POC1B: variants seen among roughly 807,000 people sequenced by gnomAD.
The protein encoded by POC1B is POC1 centriolar protein homolog B.
Under a neutral mutation model 60.6 loss-of-function variants are expected in POC1B, and 44 were observed. That is an observed-to-expected ratio of 0.73 (90% confidence interval 0.57 to 0.93). The LOEUF (loss-of-function observed/expected upper bound fraction) is 0.93. Ranked by LOEUF, POC1B falls within the 40% of genes least tolerant of loss-of-function variation. The pLI is 0.00. For synonymous variants in POC1B, 180 were observed against 198.9 expected (o/e 0.90, Z 0.80); for missense variants, 555 against 572.3 (o/e 0.97, Z 0.31).
At chr12:89,505,665 A>G (rs1422386477) in intron 2 of POC1B, among the ~76,000 whole-genome samples, 1 of 152,242 alleles carries the variant, frequency 6.6e-6, no homozygotes, top group Non-Finnish European at 1.5e-5. Context: ...AGCAGGTCAC[A>G]TTCTAAATAT....
intron 9 of POC1B, among the ~76,000 whole-genome samples, chr12:89,465,932 G>A (rs762149310): frequency 6.6e-6 from 1 of 152,166 alleles, no homozygotes; most frequent in Non-Finnish European, 1.5e-5. Flanking sequence ...CAAGACTAAG[G>A]AAAACAAAAT....
chr12:89,414,619 T>C, the POC1B span, among the ~76,000 whole-genome samples: 68 of 152,292 alleles, frequency 4.5e-4, 1 homozygote, highest in South Asian at 0.012. Context: ...AGGCAAAGAG[T>C]TGTATAAGCC....
At position 89,477,365 on chromosome 12, in the gene POC1B, A is replaced by T. The variant is rs1883162524; in HGVS notation, c.453-5090T>A. 2.0e-5 allele frequency among the ~76,000 whole-genome samples: 3 copies of T among 152,126 alleles called. No individual in the cohort carries two copies. The South Asian group carries it at 6.2e-4, about 31-fold the overall frequency. On this transcript the variant is annotated intron_variant, in intron 4 of 11. Coordinates refer to ENST00000313546, the MANE Select transcript of POC1B (RefSeq NM_172240.3). ...GTAAAAAGATGAAGCATGCCATGAA[A>T]ATTACTTGTTCGGGAATTTACCATC...
chr12:89,524,933 C>T, intron 2 of POC1B, 187 bp downstream of exon 2: 1 of 942,738 alleles, frequency 1.1e-6, no homozygotes. Flanking sequence ...GGGCCGGGGG[C>T]TGGGGGCCGG....
In POC1B at chr12:89,497,319, GA is replaced by G. The variant is rs1565750074; in HGVS notation, c.123del (p.Leu42SerfsTer22). 6.2e-7 allele frequency: 1 copy of G among 1,612,462 alleles called. No homozygotes were observed. The highest frequency in any genetic ancestry group is 2.2e-5 in the East Asian group (1 of 44,884). On this transcript the variant is annotated frameshift_variant, in exon 3 of 12. Transcript: ENST00000313546. LOFTEE classifies it high-confidence loss of function. Reference sequence around the variant, plus strand: ...TGTGGCTTGAAATTCCATAGCATGAGAAAGGTATCCCAAGAAGCAGTAGCTA... The same window carrying G: ...TGTGGCTTGAAATTCCATAGCATGAGAAGGTATCCCAAGAAGCAGTAGCTA... ...KQLATASWDT[F>X]LMLWNFKPHA...
chr12:89,524,335 C>A (rs753832081), intron 2 of POC1B: 3 of 1,613,996 alleles, frequency 1.9e-6, no homozygotes, highest in African/African-American at 1.3e-5. Flanking sequence ...CCCAAGTGCA[C>A]GGGAATCTGC....
chr12:89,509,125 G>A (rs2135756244), intron 2 of POC1B, among the ~76,000 whole-genome samples: 1 of 152,208 alleles, frequency 6.6e-6, no homozygotes, highest in East Asian at 1.9e-4. Context: ...GTAAGTTAAT[G>A]AATATTTTAA....
intron 9 of POC1B, chr12:89,461,878 G>A (rs1882498881): frequency 6.6e-6 from 1 of 152,154 alleles, no homozygotes; most frequent in African/African-American, 2.4e-5. Context: ...ACAGAAATGT[G>A]AGAGTGACTT....
chr12:89,520,248 G>T (rs1282619011), intron 2 of POC1B: 2 of 151,976 alleles, frequency 1.3e-5, no homozygotes, highest in Admixed American at 1.3e-4. Context: ...AAGAATTAAG[G>T]TACTTTATTT....
At chr12:89,504,113 C>T (rs1404261437) in intron 2 of POC1B, among the ~76,000 whole-genome samples, 29 of 137,798 alleles carry the variant, frequency 2.1e-4, no homozygotes, top group African/African-American at 7.4e-4. Context: ...GTGTACCCAA[C>T]AGCTCATTGA....
intron 2 of POC1B, 100 bp from the exon 3 acceptor site, chr12:89,497,442 T>A (rs1592628382): frequency 1.6e-6 from 2 of 1,249,202 alleles, no homozygotes; most frequent in African/African-American, 3.0e-5. Context: ...GGCATCCAGG[T>A]AATAGAGCGG....
Position 89,497,151 on chromosome 12 carries a change from T to G in POC1B, c.272+20A>C. On this transcript the variant is annotated intron_variant, in intron 3 of 11. Transcript: ENST00000313546. ...ATTTCCAAATCCAAAGGATATCAAG[T>G]GTTTCTTTGTTTCTCTTACTTATCA... 6.2e-7 allele frequency: 1 copy of G among 1,606,730 alleles called. No individual in the cohort carries two copies. Among genetic ancestry groups the G allele is most frequent in the Non-Finnish European group, 8.5e-7 (1 of 1,175,910 alleles).
intron 9 of POC1B, among the ~76,000 whole-genome samples, chr12:89,462,515 A>G (rs554164560): frequency 1.3e-5 from 2 of 152,304 alleles, no homozygotes; most frequent in African/African-American, 4.8e-5. Context: ...ACCTCTACTA[A>G]TAAATTCCAT....
intron 10 of POC1B, among the ~76,000 whole-genome samples, chr12:89,444,419 G>T (rs1459010445): frequency 1.3e-5 from 2 of 152,162 alleles, no homozygotes; most frequent in African/African-American, 4.8e-5. Context: ...GATCAAGTTG[G>T]CTTCATCCCT....
At chr12:89,524,831 G>A (rs1337178098) in intron 2 of POC1B, 7 of 616,942 alleles carry the variant, frequency 1.1e-5, no homozygotes, top group South Asian at 2.0e-5. Flanking sequence ...GGGCCGAGGA[G>A]AAACCCCTCC....
At chr12:89,480,426 T>A (rs1449333129) in intron 4 of POC1B, among the ~76,000 whole-genome samples, 1 of 151,148 alleles carries the variant, frequency 6.6e-6, no homozygotes, top group Admixed American at 6.6e-5. Flanking sequence ...TAATTTATAA[T>A]TCTTTTTTTT....
intron 10 of POC1B, among the ~76,000 whole-genome samples, chr12:89,438,767 G>GC (rs1881386415): frequency 6.6e-6 from 1 of 152,128 alleles, no homozygotes; most frequent in African/African-American, 2.4e-5. Context: ...TGTATCTATG[G>GC]TTGCTGCTTC....
the POC1B span, among the ~76,000 whole-genome samples, chr12:89,403,005 C>T: frequency 1.3e-5 from 2 of 150,620 alleles, no homozygotes; most frequent in Admixed American, 1.3e-4. Flanking sequence ...CTGGCCGACA[C>T]AAACACATTT....
chr12:89,474,111 C>T (rs924005781), intron 4 of POC1B, among the ~76,000 whole-genome samples: 1 of 151,802 alleles, frequency 6.6e-6, no homozygotes, highest in African/African-American at 2.4e-5. Flanking sequence ...GAAGCTGAGG[C>T]AGGAGAATTG....
Sources: gnomAD v4.1 joint callset for allele counts (sites outside exome capture counted in the v4.1 genomes callset) on GRCh38, gnomAD v4.1.1 for gene constraint, MANE v1.5 for transcripts, NCBI Gene and HGNC (gene_info 2026-07-23, HGNC 2026-07-21) for gene names.